PARVB: variants seen among roughly 807,000 people sequenced by gnomAD.
PARVB encodes parvin beta.
In PARVB, 46 loss-of-function variants were observed where a neutral mutation model predicts 47.0. The observed-to-expected ratio is 0.98, with a 90% CI of 0.77 to 1.25. The LOEUF is 1.25. Among genes scored for constraint, PARVB ranks in the 50% most tolerant of loss-of-function variants. PARVB has a pLI of 0.00. For synonymous variants in PARVB, 196 were observed against 196.3 expected (o/e 1.00, Z 0.01); for missense variants, 473 against 471.6 (o/e 1.00, Z -0.03).
intron 4 of PARVB, among the ~76,000 whole-genome samples, chr22:44,129,945 TC>T (rs752364075): frequency 7.3e-4 from 111 of 152,230 alleles, no homozygotes; most frequent in Non-Finnish European, 1.4e-3. Flanking sequence ...GAAGGGGTAT[TC>T]CGAGCCCAGC....
intron 1 of PARVB, among the ~76,000 whole-genome samples, chr22:44,087,961 G>T (rs5764511): frequency 6.6e-6 from 1 of 150,574 alleles, no homozygotes; most frequent in Non-Finnish European, 1.5e-5. Context: ...GACGCTTCCC[G>T]AGGGGTGGCT....
At chr22:44,083,573 G>A (rs1303774302) in intron 1 of PARVB, among the ~76,000 whole-genome samples, 1 of 152,150 alleles carries the variant, frequency 6.6e-6, no homozygotes, top group East Asian at 1.9e-4. Context: ...CCAGACGGTG[G>A]GAAATGGGTG....
chr22:44,053,439 C>T (rs1218296362), intron 1 of PARVB, among the ~76,000 whole-genome samples: 3 of 152,174 alleles, frequency 2.0e-5, no homozygotes, highest in Non-Finnish European at 4.4e-5. Flanking sequence ...TCGGCTGCTG[C>T]TCCCTGTGGC....
rs2052105721 is a variant in PARVB at position 44,089,275 on chromosome 22, A to G, written c.113-4653A>G. The G allele has an allele frequency of 6.6e-6, 1 of 152,298 alleles. No homozygotes were observed. Among genetic ancestry groups the G allele is most frequent in the Admixed American group, 6.5e-5 (1 of 15,300 alleles). 9.4% of individuals were successfully genotyped at this position (152,298 alleles called of 1,614,324 possible). A position where few individuals can be genotyped will look rare whatever the true frequency, so the allele number is the denominator to read the frequency against. On this transcript the variant is annotated intron_variant, in intron 1 of 12. Transcript: ENST00000338758. The surrounding 1 kb of genome is among the most constrained non-coding windows in gnomAD (Gnocchi z 4.0). ...GGGTTTCGTGTGGACAGAGACATTC[A>G]TCTTAGAACAATGCAGACACTTAGG... is the stretch of plus-strand genomic sequence containing the variant.
intron 10 of PARVB, chr22:44,152,250 A>G (rs1377441271): frequency 6.6e-6 from 1 of 151,390 alleles, no homozygotes; most frequent in Non-Finnish European, 1.5e-5. Flanking sequence ...CCCGGGTTCC[A>G]ACCATTCTCC....
chr22:44,076,699 C>G (rs566615230), intron 1 of PARVB, among the ~76,000 whole-genome samples: 1 of 152,170 alleles, frequency 6.6e-6, no homozygotes, highest in South Asian at 2.1e-4. Flanking sequence ...GGGCATCTGC[C>G]CACCGTGAGA....
chr22:44,157,343 A>G (rs2053957934), intron 10 of PARVB, among the ~76,000 whole-genome samples: 1 of 152,182 alleles, frequency 6.6e-6, no homozygotes. Context: ...GATGGGAGTC[A>G]CTACTATCCC....
intron 9 of PARVB, chr22:44,149,276 T>G (rs1430369485): frequency 6.6e-6 from 1 of 152,236 alleles, no homozygotes; most frequent in African/African-American, 2.4e-5. Context: ...TAATTCATTC[T>G]GCGAAAGACA....
intron 2 of PARVB, chr22:43,999,801 A>T: frequency 2.2e-6 from 1 of 462,730 alleles, no homozygotes; most frequent in Non-Finnish European, 3.9e-6. Flanking sequence ...ATTTGAGACT[A>T]CTCTGCACAA....
At chr22:44,119,162 C>A in intron 4 of PARVB, 22 bp downstream of exon 4, 2 of 1,491,156 alleles carry the variant, frequency 1.3e-6, no homozygotes, top group Non-Finnish European at 1.9e-6. Context: ...GCAGGGACAG[C>A]TCTGTCCCAC....
In PARVB at chr22:44,119,203, GC is replaced by G. The variant is rs968724633; in HGVS notation, c.376+65del. ...TCTCCCTGCAGCGGCCCTGGGCTGG[GC>G]CAGGATTCTCTGCATAGTGACATCG... On this transcript the variant is annotated intron_variant, in intron 4 of 12. Coordinates refer to ENST00000338758, the MANE Select transcript of PARVB (RefSeq NM_013327.5). The G allele has an allele frequency of 1.1e-5, 13 of 1,157,850 alleles. No individual in the cohort carries two copies. In the Admixed American group the frequency reaches 2.0e-4, roughly 18 times the overall value. The allele number at this position is 1,157,850 out of a possible 1,614,324, so 71.7% of individuals were successfully genotyped here. A position where few individuals can be genotyped will look rare whatever the true frequency, so the allele number is the denominator to read the frequency against.
At chr22:44,099,536 T>C (rs1244695167) in intron 2 of PARVB, among the ~76,000 whole-genome samples, 1 of 152,210 alleles carries the variant, frequency 6.6e-6, no homozygotes, top group Non-Finnish European at 1.5e-5. Context: ...CACCTTTTTT[T>C]TTGCTATTTA....
intron 1 of PARVB, among the ~76,000 whole-genome samples, chr22:44,071,608 T>C (rs2051656634): frequency 6.6e-6 from 1 of 152,144 alleles, no homozygotes; most frequent in African/African-American, 2.4e-5. Context: ...CCTATGCTCC[T>C]AGAGGCCCTG....
At chr22:44,021,759 T>TCACACACACACACACA (rs3223605), upstream of PARVB, among the ~76,000 whole-genome samples, 10 of 102,784 alleles carry the variant, frequency 9.7e-5, no homozygotes, top group Non-Finnish European at 1.8e-4. Flanking sequence ...AAGTCTAGAC[T>TCACACACACACACACA]CACACACACA....
chr22:44,055,676 C>A (rs71330709), intron 1 of PARVB, among the ~76,000 whole-genome samples: 14,435 of 137,340 alleles, frequency 0.11, 762 homozygotes, highest in South Asian at 0.17. Context: ...CTCTCTCTCT[C>A]TCTATATATA....
At chr22:44,033,964 T>A (rs1318691410) in intron 1 of PARVB, among the ~76,000 whole-genome samples, 1 of 151,916 alleles carries the variant, frequency 6.6e-6, no homozygotes, top group Non-Finnish European at 1.5e-5. Flanking sequence ...ACTTTAAACA[T>A]GTGGATGGAG....
chr22:44,081,699 C>T (rs2051904658), intron 1 of PARVB: 1 of 859,172 alleles, frequency 1.2e-6, no homozygotes, highest in Non-Finnish European at 1.4e-6. Context: ...TCCATTGCCC[C>T]CCGCCTCGGT....
At chr22:44,043,136 G>A (rs1484354395) in intron 1 of PARVB, among the ~76,000 whole-genome samples, 1 of 152,160 alleles carries the variant, frequency 6.6e-6, no homozygotes, top group Admixed American at 6.5e-5. Context: ...GGCTCAGTGA[G>A]GGAAGCCATT....
chr22:44,149,846 G>C (rs1179556962), intron 9 of PARVB: 1 of 150,836 alleles, frequency 6.6e-6, no homozygotes, highest in Non-Finnish European at 1.5e-5. Flanking sequence ...AATTTGAGCA[G>C]AATGGGTAAG....
Sources: allele counts gnomAD v4.1 joint callset (sites outside exome capture counted in the v4.1 genomes callset), GRCh38; gene constraint gnomAD v4.1.1; non-coding constraint Gnocchi (gnomAD v3.1); transcripts MANE v1.5; gene names NCBI Gene and HGNC (gene_info 2026-07-23, HGNC 2026-07-21).